The following ZFAND3 variants were observed in gnomAD, a reference collection of about 807,000 sequenced individuals.
ZFAND3 encodes the protein zinc finger AN1-type containing 3, also known as AN1-type zinc finger protein 3.
In ZFAND3, 10 loss-of-function variants were observed where a neutral mutation model predicts 29.6. The observed-to-expected ratio is 0.34, with a 90% CI of 0.21 to 0.57. ZFAND3 has a LOEUF of 0.57. Among genes scored for constraint, ZFAND3 ranks in the 20% least tolerant of loss-of-function variants. The probability of loss-of-function intolerance (pLI) is 0.86; values close to 1 mark genes in which losing one functional copy is unlikely to be tolerated. For synonymous variants in ZFAND3, 128 were observed against 112.6 expected (o/e 1.14, Z -0.87); for missense variants, 230 against 304.5 (o/e 0.76, Z 1.82).
At chr6:37,873,275 A>T (rs1347666421) in intron 1 of ZFAND3, among the ~76,000 whole-genome samples, 1 of 152,236 alleles carries the variant, frequency 6.6e-6, no homozygotes, top group African/African-American at 2.4e-5. Flanking sequence ...GTCTCAAAAA[A>T]AAAGAAAGAA....
At chr6:37,991,520 T>C (rs1762758637) in intron 2 of ZFAND3, among the ~76,000 whole-genome samples, 1 of 151,970 alleles carries the variant, frequency 6.6e-6, no homozygotes. Context: ...ACCTGGCTAA[T>C]TTTTGTATTT....
At chr6:37,844,612 T>C (rs1025457676) in intron 1 of ZFAND3, among the ~76,000 whole-genome samples, 1 of 152,090 alleles carries the variant, frequency 6.6e-6, no homozygotes, top group African/African-American at 2.4e-5. Context: ...AAACAGTGTT[T>C]AGGCTATTGG....
intron 4 of ZFAND3, among the ~76,000 whole-genome samples, chr6:38,105,882 A>G (rs1765197649): frequency 6.6e-6 from 1 of 152,246 alleles, no homozygotes; most frequent in Admixed American, 6.5e-5. Context: ...GACCAATATT[A>G]GGTAAATAAG....
intron 2 of ZFAND3, among the ~76,000 whole-genome samples, chr6:38,041,610 C>T (rs1035657864): frequency 6.8e-6 from 1 of 147,100 alleles, no homozygotes; most frequent in Non-Finnish European, 1.5e-5. Context: ...TGTGATGTCA[C>T]CACTGTTTTT....
intron 1 of ZFAND3, among the ~76,000 whole-genome samples, chr6:37,862,685 C>G (rs1764514597): frequency 6.6e-6 from 1 of 150,868 alleles, no homozygotes; most frequent in African/African-American, 2.4e-5. Context: ...GCCTGGGTGA[C>G]AGAGCGAGAT....
intron 2 of ZFAND3, among the ~76,000 whole-genome samples, chr6:37,979,276 G>A (rs1762540868): frequency 6.6e-6 from 1 of 152,172 alleles, no homozygotes; most frequent in South Asian, 2.1e-4. Flanking sequence ...ACCTCTGTCA[G>A]TTCTGAGTTG....
chr6:37,988,335 T>C (rs1027189221), intron 2 of ZFAND3, among the ~76,000 whole-genome samples: 5 of 152,256 alleles, frequency 3.3e-5, no homozygotes, highest in African/African-American at 1.2e-4. Context: ...TCTCAATATG[T>C]ATCTCCAGTT....
At chr6:38,016,102 GA>G (rs1220536418) in intron 2 of ZFAND3, among the ~76,000 whole-genome samples, 3 of 136,046 alleles carry the variant, frequency 2.2e-5, no homozygotes, top group Non-Finnish European at 5.3e-5. Context: ...TAGTTCCTTA[GA>G]CAGTAGTTCA....
At chr6:37,973,900 T>C (rs899957426) in intron 2 of ZFAND3, among the ~76,000 whole-genome samples, 11 of 152,224 alleles carry the variant, frequency 7.2e-5, no homozygotes, top group South Asian at 2.1e-4. Flanking sequence ...GTGGCCAGTA[T>C]ATTGTGTTGT....
chr6:38,105,309 A>AGG (rs1257378623), intron 4 of ZFAND3, among the ~76,000 whole-genome samples: 1 of 152,082 alleles, frequency 6.6e-6, no homozygotes, highest in Non-Finnish European at 1.5e-5. Context: ...CCAGAAGCTG[A>AGG]GGGGAGGATC....
chr6:38,045,794 G>C (rs6925259), intron 2 of ZFAND3, among the ~76,000 whole-genome samples: 10,173 of 152,220 alleles, frequency 0.067, 411 homozygotes, highest in Non-Finnish European at 0.094. Flanking sequence ...GTAAGACCAA[G>C]ATGAGGAATT....
At chr6:37,970,019 T>G (rs1762358872) in intron 2 of ZFAND3, among the ~76,000 whole-genome samples, 1 of 152,022 alleles carries the variant, frequency 6.6e-6, no homozygotes, top group Non-Finnish European at 1.5e-5. Context: ...TCCCAGCTAC[T>G]TGGGAGGCTG....
At chr6:37,847,781 T>G (rs1764209502) in intron 1 of ZFAND3, among the ~76,000 whole-genome samples, 1 of 152,204 alleles carries the variant, frequency 6.6e-6, no homozygotes, top group African/African-American at 2.4e-5. Context: ...TTTATAAGAA[T>G]GATGTTACGT....
At chr6:37,873,093 C>A (rs1176797973) in intron 1 of ZFAND3, among the ~76,000 whole-genome samples, 1 of 150,978 alleles carries the variant, frequency 6.6e-6, no homozygotes, top group Non-Finnish European at 1.5e-5. Context: ...ACCTTCTCTA[C>A]TTAAAAACAA....
chr6:37,840,443 T>C (rs1324812290), intron 1 of ZFAND3, among the ~76,000 whole-genome samples: 1 of 152,266 alleles, frequency 6.6e-6, no homozygotes, highest in Admixed American at 6.5e-5. Context: ...TGTCACACTG[T>C]CTTGAGTACT....
At chr6:37,995,120 A>G (rs982461272) in intron 2 of ZFAND3, among the ~76,000 whole-genome samples, 3 of 152,240 alleles carry the variant, frequency 2.0e-5, no homozygotes, top group East Asian at 1.9e-4. Flanking sequence ...CTGCGTGAGC[A>G]TATTAATTAT....
At chr6:38,133,975 C>T (rs944525129) in intron 5 of ZFAND3, among the ~76,000 whole-genome samples, 1 of 152,096 alleles carries the variant, frequency 6.6e-6, no homozygotes, top group Non-Finnish European at 1.5e-5. Flanking sequence ...TTCAACCATA[C>T]AGAATTTAGT....
chr6:37,869,233 T>C (rs962718792), intron 1 of ZFAND3, among the ~76,000 whole-genome samples: 6 of 152,188 alleles, frequency 3.9e-5, no homozygotes, highest in African/African-American at 1.2e-4. Flanking sequence ...CGATCTTGGC[T>C]CACTGCTGCA....
chr6:37,901,967 T>G (rs188148548), intron 1 of ZFAND3, among the ~76,000 whole-genome samples: 420 of 152,338 alleles, frequency 2.8e-3, no homozygotes, highest in Non-Finnish European at 4.7e-3. Context: ...CCAATTGACA[T>G]GTAACACTTG....
Sources: gnomAD v4.1 joint callset for allele counts (sites outside exome capture counted in the v4.1 genomes callset) on GRCh38, gnomAD v4.1.1 for gene constraint, MANE v1.5 for transcripts, NCBI Gene and HGNC (gene_info 2026-07-23, HGNC 2026-07-21) for gene names.